The following KCNC4 variants were observed in gnomAD, a reference collection of about 807,000 sequenced individuals.
KCNC4 encodes voltage-gated potassium channel KCNC4.
KCNC4 carries 23 observed loss-of-function variants against 42.8 expected under a neutral mutation model. The ratio of observed to expected loss-of-function variants is 0.54; its 90% CI spans 0.39 to 0.76. The LOEUF (loss-of-function observed/expected upper bound fraction) is 0.76. Ranked by LOEUF, KCNC4 falls within the 30% of genes least tolerant of loss-of-function variation. KCNC4 has a pLI of 0.00. For synonymous variants in KCNC4, 422 were observed against 393.5 expected (o/e 1.07, Z -0.86); for missense variants, 751 against 898.2 (o/e 0.84, Z 2.10).
At chr1:110,235,288 T>C (rs1219093531), downstream of KCNC4, 1 of 152,144 alleles carries the variant, frequency 6.6e-6, no homozygotes, top group Non-Finnish European at 1.5e-5. Context: ...CAATTAAAGA[T>C]AAAATTTCTC....
In KCNC4 at chr1:110,233,188, A is replaced by G. The variant is rs974519357; in HGVS notation, c.*216A>G. ...ACATCGAAGAGATATATATGCACAT[A>G]TAGTATCTATATTCATACATATTAT... is the stretch of plus-strand genomic sequence containing the variant. On this transcript the variant is annotated 3_prime_UTR_variant, in exon 4 of 4. Transcript: ENST00000438661. 1.6e-6 allele frequency: 1 copy of G among 611,400 alleles called. No homozygotes were observed. The highest frequency in any genetic ancestry group is 1.9e-5 in the African/African-American group (1 of 54,052). The allele number at this position is 611,400 out of a possible 1,614,324, so 37.9% of individuals were successfully genotyped here. A position where few individuals can be genotyped will look rare whatever the true frequency, so the allele number is the denominator to read the frequency against.
chr1:110,268,430 A>T (rs1043164712), intron 1 of KCNC4, among the ~76,000 whole-genome samples: 4 of 151,794 alleles, frequency 2.6e-5, no homozygotes, highest in Admixed American at 1.3e-4. Context: ...ACACGGTGAA[A>T]CCCCATCTCT....
Position 110,211,281 on chromosome 1 carries a change from C to T in KCNC4, c.-219C>T. The T allele has an allele frequency of 1.6e-6, 1 of 634,820 alleles. No individual in the cohort carries two copies. The highest frequency in any genetic ancestry group is 2.6e-6 in the Non-Finnish European group (1 of 379,276). 39.3% of individuals were successfully genotyped at this position (634,820 alleles called of 1,614,324 possible). ...CTGCGCCTCCCTCTCTCCGGAGCTTCCTGCCCTAACCCCAACCACCTGTGT... is the reference window on the plus strand; with the variant it reads ...CTGCGCCTCCCTCTCTCCGGAGCTTTCTGCCCTAACCCCAACCACCTGTGT... On this transcript the variant is annotated 5_prime_UTR_variant, in exon 1 of 4. Coordinates refer to ENST00000438661, the MANE Select transcript of KCNC4 (RefSeq NM_001039574.3). This position sits in a 1 kb window ranked among gnomAD's most constrained non-coding sequence, Gnocchi z 6.5.
chr1:110,231,794 G>A lies in KCNC4; in HGVS notation c.1820-1117G>A, dbSNP rs180993664. Among the ~76,000 whole-genome samples, 63 of 152,156 alleles carry A rather than the reference G, an allele frequency of 4.1e-4. No homozygotes were observed. The Middle Eastern group carries it at 0.01, about 25-fold the overall frequency. On this transcript the variant is annotated intron_variant, in intron 3 of 3. Coordinates refer to ENST00000438661, the MANE Select transcript of KCNC4 (RefSeq NM_001039574.3). ...GGCCCAGAACACTTGTAGGCAAAGG[G>A]GCAGTGTTTAAGGAGGTGGCTGGGG... is the stretch of plus-strand genomic sequence containing the variant.
At chr1:110,236,918 A>C (rs1354355634), downstream of KCNC4, 1 of 152,198 alleles carries the variant, frequency 6.6e-6, no homozygotes, top group Non-Finnish European at 1.5e-5. Flanking sequence ...AAATTTTAAA[A>C]AATCTTTTTT....
At chr1:110,268,978 A>C (rs1292769056) in intron 1 of KCNC4, among the ~76,000 whole-genome samples, 1 of 151,898 alleles carries the variant, frequency 6.6e-6, no homozygotes. Flanking sequence ...GGCCTCCCAA[A>C]GTACTGGGAT....
At chr1:110,232,890 A>G (rs1487353835) in intron 3 of KCNC4, 21 bp from the exon 4 acceptor site, 3 of 1,606,362 alleles carry the variant, frequency 1.9e-6, no homozygotes, top group Non-Finnish European at 2.5e-6. Context: ...AGTGTCTCAC[A>G]CCTGTGCTCT....
chr1:110,263,362 C>T (rs1659486388), intron 1 of KCNC4, among the ~76,000 whole-genome samples: 1 of 151,104 alleles, frequency 6.6e-6, no homozygotes, highest in African/African-American at 2.4e-5. Flanking sequence ...TTTTTTCCCA[C>T]ATCTGCTGAG....
At chr1:110,240,876 G>C (rs1338253150) in exon 4 of KCNC4, 1 of 152,766 alleles carries the variant, frequency 6.5e-6, no homozygotes, top group African/African-American at 2.4e-5. Flanking sequence ...CAGTACCAGG[G>C]AACAGGAGTC....
chr1:110,248,750 G>T (rs1659200986), exon 4 of KCNC4: 1 of 152,012 alleles, frequency 6.6e-6, no homozygotes, highest in Non-Finnish European at 1.5e-5. Context: ...TCTCCTGTTC[G>T]GCTTGATGGC....
chr1:110,222,881 C>T (rs1336912853), intron 1 of KCNC4, 83 bp from the exon 2 acceptor site: 1 of 1,017,622 alleles, frequency 9.8e-7, no homozygotes, highest in Non-Finnish European at 1.5e-6. Flanking sequence ...TCCTGGTAAC[C>T]TTCATGCAGA....
intron 3 of KCNC4, chr1:110,232,408 C>A: frequency 6.6e-7 from 1 of 1,522,474 alleles, no homozygotes; most frequent in Non-Finnish European, 8.8e-7. Flanking sequence ...GCAGATGGAG[C>A]TACTTGGGGG....
exon 4 of KCNC4, chr1:110,245,121 C>G (rs1659116675): frequency 6.6e-6 from 1 of 152,234 alleles, no homozygotes; most frequent in South Asian, 2.1e-4. Flanking sequence ...CACAGCCTCC[C>G]CATGAGGGGC....
intron 1 of KCNC4, among the ~76,000 whole-genome samples, chr1:110,260,876 G>GC (rs1484585587): frequency 6.6e-6 from 1 of 152,222 alleles, no homozygotes; most frequent in African/African-American, 2.4e-5. Context: ...CTTGCAGTGA[G>GC]CCGAGATCGC....
intron 1 of KCNC4, among the ~76,000 whole-genome samples, chr1:110,213,359 G>C (rs573841989): frequency 6.6e-6 from 1 of 152,152 alleles, no homozygotes; most frequent in South Asian, 2.1e-4. Context: ...TGTGGAACCT[G>C]GTTGGTTCCT....
chr1:110,252,703 A>G (rs1200407153), downstream of KCNC4, among the ~76,000 whole-genome samples: 4 of 152,186 alleles, frequency 2.6e-5, no homozygotes, highest in African/African-American at 9.7e-5. Flanking sequence ...ATCTCATTCA[A>G]TTCTAACACA....
downstream of KCNC4, among the ~76,000 whole-genome samples, chr1:110,249,687 G>A (rs1389870898): frequency 6.6e-6 from 1 of 152,138 alleles, no homozygotes; most frequent in Non-Finnish European, 1.5e-5. Flanking sequence ...AAAGAAAAGA[G>A]AAATTGGTAG....
exon 4 of KCNC4, chr1:110,240,829 C>G (rs1005961962): frequency 6.6e-6 from 1 of 152,338 alleles, no homozygotes; most frequent in Non-Finnish European, 1.5e-5. Context: ...TGCCGAGAGA[C>G]CAGTCTGTGC....
At chr1:110,254,368 T>C (rs1213861253) in intron 1 of KCNC4, among the ~76,000 whole-genome samples, 1 of 152,208 alleles carries the variant, frequency 6.6e-6, no homozygotes, top group Non-Finnish European at 1.5e-5. Context: ...CACTGTGGCA[T>C]CTTCATGTGA....
Sources: allele counts gnomAD v4.1 joint callset (sites outside exome capture counted in the v4.1 genomes callset), GRCh38; gene constraint gnomAD v4.1.1; non-coding constraint Gnocchi (gnomAD v3.1); transcripts MANE v1.5; gene names NCBI Gene and HGNC (gene_info 2026-07-23, HGNC 2026-07-21).